RBPJ: variants seen among roughly 807,000 people sequenced by gnomAD.
RBPJ encodes recombining binding protein suppressor of hairless.
Under a neutral mutation model 67.8 loss-of-function variants are expected in RBPJ, and 9 were observed. The observed-to-expected ratio is 0.13, with a 90% confidence interval of 0.08 to 0.23. RBPJ has a LOEUF of 0.23. Ranked by LOEUF, RBPJ falls within the 10% of genes least tolerant of loss-of-function variation. The pLI is 1.00. For synonymous variants in RBPJ, 198 were observed against 203.3 expected, an observed-to-expected ratio of 0.97 and a Z score of 0.22; for missense variants, 305 against 595.6, an observed-to-expected ratio of 0.51 and a Z score of 5.08.
At chr4:26,150,603 G>GA in the RBPJ span, among the ~76,000 whole-genome samples, 2 of 151,792 alleles carry the variant, frequency 1.3e-5, no homozygotes, top group African/African-American at 4.8e-5. Flanking sequence ...TTTCCCATCC[G>GA]AAAAAAAGGG....
At chr4:26,281,922 C>A (rs1274906544) in intron 1 of RBPJ, among the ~76,000 whole-genome samples, 1 of 152,172 alleles carries the variant, frequency 6.6e-6, no homozygotes, top group Non-Finnish European at 1.5e-5. Flanking sequence ...TCTAATATAA[C>A]ACTCCTATTC....
chr4:26,337,089 G>A (rs1261010386), intron 1 of RBPJ, among the ~76,000 whole-genome samples: 1 of 151,662 alleles, frequency 6.6e-6, no homozygotes, highest in Non-Finnish European at 1.5e-5. Flanking sequence ...AGCCTCCTGG[G>A]TAGCTGGGAT....
upstream of RBPJ, among the ~76,000 whole-genome samples, chr4:26,159,921 C>CTG (rs1716045908): frequency 6.7e-6 from 1 of 150,056 alleles, no homozygotes; most frequent in Non-Finnish European, 1.5e-5. Flanking sequence ...CTCTCTCTCT[C>CTG]TCTTTTTTTT....
chr4:26,404,108 G>A (rs1206081346), intron 2 of RBPJ, among the ~76,000 whole-genome samples: 1 of 151,362 alleles, frequency 6.6e-6, no homozygotes, highest in Non-Finnish European at 1.5e-5. Flanking sequence ...ATTTTGATTT[G>A]CATTTCTCTA....
chr4:26,251,103 C>T (rs772284290), intron 1 of RBPJ, among the ~76,000 whole-genome samples: 9 of 152,130 alleles, frequency 5.9e-5, no homozygotes, highest in Non-Finnish European at 1.0e-4. Flanking sequence ...TTGTCTGGAT[C>T]GTCTACATGA....
chr4:26,421,087 C>G (rs1178265772), intron 5 of RBPJ, among the ~76,000 whole-genome samples: 2 of 152,108 alleles, frequency 1.3e-5, no homozygotes, highest in Non-Finnish European at 2.9e-5. Context: ...AAGAATTGAT[C>G]TACCCACAAT....
the RBPJ span, chr4:26,113,524 G>T: frequency 1.9e-6 from 1 of 532,796 alleles, no homozygotes; most frequent in South Asian, 1.6e-5. Flanking sequence ...CGTTCTGTGC[G>T]AAGTCAAAGC....
intron 1 of RBPJ, among the ~76,000 whole-genome samples, chr4:26,232,268 C>A (rs1719316552): frequency 6.6e-6 from 1 of 152,144 alleles, no homozygotes; most frequent in African/African-American, 2.4e-5. Flanking sequence ...AGTTCAGGGG[C>A]ACATGTGCAG....
chr4:26,365,657 A>T (rs1560297324), intron 1 of RBPJ, among the ~76,000 whole-genome samples: 1 of 152,238 alleles, frequency 6.6e-6, no homozygotes, highest in Non-Finnish European at 1.5e-5. Flanking sequence ...TTAGTCATAG[A>T]CATCCTTTAA....
chr4:26,335,855 C>T (rs903974945), intron 1 of RBPJ, among the ~76,000 whole-genome samples: 1 of 151,630 alleles, frequency 6.6e-6, no homozygotes, highest in Non-Finnish European at 1.5e-5. Context: ...GAACTTCTGA[C>T]CTTGTGATCC....
rs375936463 is a variant in RBPJ at position 26,172,247 on chromosome 4, C to T, written c.-167+8633C>T. Among the ~76,000 whole-genome samples the T allele has an allele frequency of 6.6e-4, 100 of 152,160 alleles. No homozygotes were observed. The Middle Eastern group carries it at 0.01, about 16-fold the overall frequency. Reference sequence around the variant, plus strand: ...ATACATACAAACAGCTGCCGCCATCCGCCTGGCCCCCACCACCCTGCAGCT... The same window carrying T: ...ATACATACAAACAGCTGCCGCCATCTGCCTGGCCCCCACCACCCTGCAGCT... On this transcript the variant is annotated intron_variant, in intron 1 of 4. Coordinates refer to the RBPJ transcript ENST00000512351.
chr4:26,232,418 T>C (rs1266510708), intron 1 of RBPJ, among the ~76,000 whole-genome samples: 1 of 151,990 alleles, frequency 6.6e-6, no homozygotes, highest in Non-Finnish European at 1.5e-5. Flanking sequence ...TAATTACTTT[T>C]TGTAGAGACA....
chr4:26,121,846 C>T, the RBPJ span, among the ~76,000 whole-genome samples: 1 of 150,696 alleles, frequency 6.6e-6, no homozygotes, highest in Non-Finnish European at 1.5e-5. Flanking sequence ...ACACAAGAAC[C>T]TCAAGTTGCT....
intron 2 of RBPJ, among the ~76,000 whole-genome samples, chr4:26,405,369 G>A (rs559609386): frequency 1.1e-4 from 17 of 152,152 alleles, no homozygotes; most frequent in Non-Finnish European, 1.9e-4. Flanking sequence ...CAAGAATTGG[G>A]ATTCTGCTTA....
chr4:26,219,341 G>A (rs1047224448), intron 1 of RBPJ, among the ~76,000 whole-genome samples: 12 of 152,076 alleles, frequency 7.9e-5, no homozygotes, highest in African/African-American at 1.7e-4. Context: ...GGATCAGGGC[G>A]GAATACTTGG....
chr4:26,112,041 G>C, the RBPJ span: 1 of 157,134 alleles, frequency 6.4e-6, no homozygotes. Context: ...TGATCTTCAA[G>C]ATAGAGCAAG....
chr4:26,350,623 C>T (rs1726695909), intron 1 of RBPJ, among the ~76,000 whole-genome samples: 1 of 152,098 alleles, frequency 6.6e-6, no homozygotes, highest in Non-Finnish European at 1.5e-5. Flanking sequence ...CATTAAAGGA[C>T]ATTAAGAGGT....
chr4:26,407,216 G>A (rs558276608), intron 3 of RBPJ, among the ~76,000 whole-genome samples: 1 of 152,152 alleles, frequency 6.6e-6, no homozygotes, highest in Non-Finnish European at 1.5e-5. Context: ...AAAGGAAAAG[G>A]CTGAATAAGC....
At chr4:26,376,077 C>G (rs1729700128) in intron 1 of RBPJ, among the ~76,000 whole-genome samples, 1 of 152,068 alleles carries the variant, frequency 6.6e-6, no homozygotes, top group African/African-American at 2.4e-5. Context: ...CCTCTCTAAG[C>G]CATAGTTTAA....
Sources: allele counts gnomAD v4.1 joint callset (sites outside exome capture counted in the v4.1 genomes callset), GRCh38; gene constraint gnomAD v4.1.1; transcripts MANE v1.5; gene names NCBI Gene and HGNC (gene_info 2026-07-23, HGNC 2026-07-21).